The following DET1 variants were observed in gnomAD, a reference collection of about 807,000 sequenced individuals.
DET1 encodes DET1 partner of COP1 E3 ubiquitin ligase, also known as DET1 homolog.
DET1 carries 22 observed loss-of-function variants against 43.7 expected under a neutral mutation model. The observed-to-expected ratio is 0.50, with a 90% CI of 0.36 to 0.72. The LOEUF (loss-of-function observed/expected upper bound fraction) is 0.72, where lower values mean the gene tolerates loss of function less well. Among genes scored for constraint, DET1 ranks in the 30% least tolerant of loss-of-function variants. The pLI is 0.00. For missense variants in DET1, 713 were observed against 713.3 expected (o/e 1.00, Z 0.00); for synonymous variants, 315 against 266.2 (o/e 1.18, Z -1.79).
At chr15:88,524,608 G>A (rs189934159) in intron 3 of DET1, among the ~76,000 whole-genome samples, 2 of 152,258 alleles carry the variant, frequency 1.3e-5, no homozygotes, top group African/African-American at 2.4e-5. Context: ...ATTTTGTTCT[G>A]TACTAAGAAA....
rs148576639 is a variant in DET1 at position 88,521,139 on chromosome 15, C to T, written c.1272-4166G>A. On this transcript the variant is annotated intron_variant, in intron 3 of 4. Transcript: ENST00000268148. ...CTATTTCCAAGTACTCTGCCCCTCG[C>T]TCACTCCAGTCCAGCCACCCTGGCC... is the stretch of plus-strand genomic sequence containing the variant. Among the ~76,000 whole-genome samples, 88 of 152,354 alleles carry T rather than the reference C, an allele frequency of 5.8e-4. 1 individual carries two copies. Among genetic ancestry groups the T allele is most frequent in the African/African-American group, 2.1e-3 (87 of 41,578 alleles).
Position 88,519,084 on chromosome 15 carries a change from G to A in DET1, c.1272-2111C>T, listed in dbSNP as rs181436613. Among the ~76,000 whole-genome samples, 580 of 152,210 alleles carry A rather than the reference G, an allele frequency of 3.8e-3. 4 individuals are homozygous for A. The highest frequency in any genetic ancestry group is 0.013 in the African/African-American group (541 of 41,540). On this transcript the variant is annotated intron_variant, in intron 3 of 4. Coordinates refer to ENST00000268148, the MANE Select transcript of DET1 (RefSeq NM_001144074.3). ...ACACCTTAGCCCTGCCTGACTCACCGACTCCCTGGCTTTCAAAGGTAAAAT... is the reference window on the plus strand; with the variant it reads ...ACACCTTAGCCCTGCCTGACTCACCAACTCCCTGGCTTTCAAAGGTAAAAT...
At chr15:88,540,065 C>A (rs1015241202) in intron 1 of DET1, among the ~76,000 whole-genome samples, 1 of 152,020 alleles carries the variant, frequency 6.6e-6, no homozygotes, top group Admixed American at 6.6e-5. Context: ...TCGTCCCTGC[C>A]CCCTACTCTG....
intron 2 of DET1, 145 bp from the exon 3 acceptor site, chr15:88,527,931 C>T: frequency 1.8e-6 from 1 of 551,448 alleles, no homozygotes; most frequent in Non-Finnish European, 2.9e-6. Flanking sequence ...AAGCAAACAC[C>T]TCGGCTTTAC....
intron 7 of DET1, among the ~76,000 whole-genome samples, chr15:88,507,077 C>G (rs1440992744): frequency 6.6e-6 from 1 of 152,140 alleles, no homozygotes; most frequent in Non-Finnish European, 1.5e-5. Flanking sequence ...TAATATAAGC[C>G]AAAGTACTCA....
At position 88,524,440 on chromosome 15, in the gene DET1, G is replaced by A. The variant is rs200046430; in HGVS notation, c.1271+3159C>T. On this transcript the variant is annotated intron_variant, in intron 3 of 4. Transcript: ENST00000268148. ...AAGTGAGGAGCCCCTCTGCCCAGCC[G>A]CCACCCCATCTGGGAGGAGTACCCA... Among the ~76,000 whole-genome samples the A allele has an allele frequency of 7.3e-4, 111 of 152,338 alleles. 5 individuals carry two copies. In the East Asian group the frequency reaches 0.02, roughly 27 times the overall value.
chr15:88,531,241 G>A lies in DET1; in HGVS notation c.465C>T (p.Ile155=), dbSNP rs368073288. 54 of 1,613,764 alleles carry A rather than the reference G, an allele frequency of 3.3e-5. No individual in the cohort carries two copies. Among genetic ancestry groups the A allele is most frequent in the South Asian group, 4.4e-5 (4 of 91,074 alleles). ...CTGGGAGGTAGGCAGCTGAGCCCAC[G>A]ATGACACAGCGGCAGTCATCAGTGA... is the stretch of plus-strand genomic sequence containing the variant. ...SLFTDDCRCV[I]VGSAAYLPDE... is the part of the protein sequence containing the mutation. Residue 155 remains isoleucine (I), a synonymous_variant, in exon 2 of 5, where the codon ATC becomes ATT. Coordinates refer to ENST00000268148, the MANE Select transcript of DET1 (RefSeq NM_001144074.3). The surrounding 1 kb of genome is among the most constrained non-coding windows in gnomAD (Gnocchi z 6.2).
Position 88,512,495 on chromosome 15 carries a change from A to G in DET1, c.*456T>C. 2.0e-6 allele frequency: 2 copies of G among 987,252 alleles called. No individual in the cohort carries two copies. The highest frequency in any genetic ancestry group is 5.2e-4 in the Middle Eastern group (1 of 1,916). The allele number at this position is 987,252 out of a possible 1,614,324, so 61.2% of individuals were successfully genotyped here. A position where few individuals can be genotyped will look rare whatever the true frequency, so the allele number is the denominator to read the frequency against. On this transcript the variant is annotated 3_prime_UTR_variant, in exon 5 of 5. Coordinates refer to ENST00000268148, the MANE Select transcript of DET1 (RefSeq NM_001144074.3). ...ACCACATATATTTAAGTATGAAAAT[A>G]CCATGGCTTTATTTTTCTCTTAAAA...
chr15:88,545,449 T>C (rs2057226522), intron 1 of DET1, among the ~76,000 whole-genome samples: 1 of 152,078 alleles, frequency 6.6e-6, no homozygotes, highest in Non-Finnish European at 1.5e-5. Context: ...AGTTCGAGAA[T>C]ATCTAGATAG....
chr15:88,512,196 TC>T (rs1426638592), downstream of DET1, among the ~76,000 whole-genome samples: 1 of 152,190 alleles, frequency 6.6e-6, no homozygotes, highest in Non-Finnish European at 1.5e-5. Context: ...TGCTCACTCT[TC>T]CACCTGCATG....
chr15:88,506,378 C>T (rs2142244148), intron 7 of DET1, among the ~76,000 whole-genome samples: 1 of 152,138 alleles, frequency 6.6e-6, no homozygotes, highest in South Asian at 2.1e-4. Context: ...TAAGTATCTC[C>T]CTGCCTCCTA....
At chr15:88,527,919 A>C in intron 2 of DET1, 133 bp from the exon 3 acceptor site, 2 of 579,456 alleles carry the variant, frequency 3.5e-6, no homozygotes, top group East Asian at 3.3e-5. Flanking sequence ...AACAACAACA[A>C]CAAGCAAACA....
chr15:88,525,999 A>G (rs1439422672), intron 3 of DET1, among the ~76,000 whole-genome samples: 1 of 152,134 alleles, frequency 6.6e-6, no homozygotes, highest in Admixed American at 6.6e-5. Context: ...TTATCTGCTT[A>G]ATTTTGAAGC....
intron 1 of DET1, among the ~76,000 whole-genome samples, chr15:88,543,572 G>A (rs192074724): frequency 6.6e-6 from 1 of 152,338 alleles, no homozygotes; most frequent in East Asian, 1.9e-4. Flanking sequence ...TTCACAGATG[G>A]TAGCAGCTTT....
At chr15:88,518,858 C>A (rs1232724838) in intron 3 of DET1, among the ~76,000 whole-genome samples, 1 of 152,174 alleles carries the variant, frequency 6.6e-6, no homozygotes, top group Non-Finnish European at 1.5e-5. Context: ...GACATGAACA[C>A]TTTTCTGCTC....
intron 1 of DET1, chr15:88,536,265 C>G: frequency 1.3e-6 from 1 of 752,686 alleles, no homozygotes; most frequent in Non-Finnish European, 2.5e-6. Flanking sequence ...CTGATACACC[C>G]TATATTATTA....
chr15:88,522,827 TC>T (rs1381885374), intron 3 of DET1, among the ~76,000 whole-genome samples: 4 of 151,192 alleles, frequency 2.6e-5, no homozygotes, highest in Non-Finnish European at 5.9e-5. Flanking sequence ...GCTGGAATGT[TC>T]CTGTTTTTAT....
In DET1 at chr15:88,542,869, T is replaced by C. The variant is rs549339272; in HGVS notation, c.-11+3671A>G. Among the ~76,000 whole-genome samples the C allele has an allele frequency of 2.6e-5, 4 of 152,094 alleles. No homozygotes were observed. The East Asian group carries it at 7.7e-4, about 29-fold the overall frequency. Reference sequence around the variant, plus strand: ...TGCCTATTGCAAGCAGACTAGGCACTGGAAAAAGGAATGCCCACTACTGCC... The same window carrying C: ...TGCCTATTGCAAGCAGACTAGGCACCGGAAAAAGGAATGCCCACTACTGCC... On this transcript the variant is annotated intron_variant, in intron 1 of 4. Coordinates refer to ENST00000268148, the MANE Select transcript of DET1 (RefSeq NM_001144074.3).
At chr15:88,541,388 G>A (rs972575176) in intron 1 of DET1, among the ~76,000 whole-genome samples, 4 of 151,240 alleles carry the variant, frequency 2.6e-5, no homozygotes, top group Admixed American at 2.0e-4. Flanking sequence ...TCCTCCATAT[G>A]CTGAACGCTG....
Sources: allele counts gnomAD v4.1 joint callset (sites outside exome capture counted in the v4.1 genomes callset), GRCh38; gene constraint gnomAD v4.1.1; non-coding constraint Gnocchi (gnomAD v3.1); transcripts MANE v1.5; gene names NCBI Gene and HGNC (gene_info 2026-07-23, HGNC 2026-07-21).